SP140: variants seen among roughly 807,000 people sequenced by gnomAD.
SP140 encodes SP140 nuclear body protein.
Under a neutral mutation model 125.0 loss-of-function variants are expected in SP140, and 81 were observed. The observed-to-expected ratio is 0.65, with a 90% confidence interval of 0.54 to 0.78. The LOEUF (loss-of-function observed/expected upper bound fraction) is 0.78. Ranked by LOEUF, SP140 falls within the 30% of genes least tolerant of loss-of-function variation. SP140 has a pLI of 0.00. For synonymous variants in SP140, 312 were observed against 354.0 expected, an observed-to-expected ratio of 0.88 and a Z score of 1.33; for missense variants, 858 against 1,037.0, an observed-to-expected ratio of 0.83 and a Z score of 2.37.
intron 1 of SP140, among the ~76,000 whole-genome samples, chr2:230,228,355 A>G (rs893528371): frequency 7.2e-5 from 11 of 152,224 alleles, no homozygotes; most frequent in Non-Finnish European, 1.6e-4. Context: ...AAGTACATGC[A>G]TTCTGCTATT....
At chr2:230,291,722 G>A (rs2057136791) in intron 19 of SP140, among the ~76,000 whole-genome samples, 1 of 152,118 alleles carries the variant, frequency 6.6e-6, no homozygotes, top group Non-Finnish European at 1.5e-5. Flanking sequence ...CTGAACATTT[G>A]TGTAACAAGT....
At position 230,248,117 on chromosome 2, in the gene SP140, A is replaced by G. The variant is rs899105931; in HGVS notation, c.892+52A>G. 13 of 1,577,260 alleles carry G rather than the reference A, an allele frequency of 8.2e-6. No individual in the cohort carries two copies. In the Admixed American group the frequency reaches 1.7e-4, roughly 21 times the overall value. ...TGTCAAGGGTGAAAATGAGAGTGCC[A>G]ACATGGGGTGGGAGACCAGGTGGGC... is the stretch of plus-strand genomic sequence containing the variant. On this transcript the variant is annotated intron_variant, in intron 8 of 26. Transcript: ENST00000392045.
Position 230,296,474 on chromosome 2 carries a change from C to A in SP140, c.2017-947C>A, listed in dbSNP as rs140492436. 2.6e-3 allele frequency among the ~76,000 whole-genome samples: 403 copies of A among 152,298 alleles called. 2 individuals are homozygous for A. The highest frequency in any genetic ancestry group is 8.8e-3 in the African/African-American group (364 of 41,554). ...AAGTCATGCCATGGATATCCAAAAG[C>A]AATCTAAATAAATGTAGTGGGTTAC... On this transcript the variant is annotated intron_variant, in intron 21 of 26. Coordinates refer to ENST00000392045, the MANE Select transcript of SP140 (RefSeq NM_007237.5).
intron 1 of SP140, among the ~76,000 whole-genome samples, chr2:230,233,110 T>C (rs2047488450): frequency 6.6e-6 from 1 of 152,142 alleles, no homozygotes; most frequent in Non-Finnish European, 1.5e-5. Flanking sequence ...TGCCTCTTTA[T>C]TTTCTATAAG....
chr2:230,220,235 G>T, intron 3 of SP140: 1 of 185,010 alleles, frequency 5.4e-6, no homozygotes, highest in African/African-American at 2.4e-5. Flanking sequence ...GCGGCAATAG[G>T]AACTGGGAAC....
chr2:230,188,046 T>C, the SP140 span, among the ~76,000 whole-genome samples: 501 of 152,304 alleles, frequency 3.3e-3, 3 homozygotes, highest in African/African-American at 0.012. Flanking sequence ...TGATATTTGA[T>C]AAGAATTGCA....
intron 3 of SP140, chr2:230,239,037 T>C: frequency 7.1e-7 from 1 of 1,404,970 alleles, no homozygotes; most frequent in South Asian, 1.7e-5. Flanking sequence ...AGTTTAATTT[T>C]TGGAAAATAA....
chr2:230,191,882 C>T, the SP140 span, among the ~76,000 whole-genome samples: 1 of 152,040 alleles, frequency 6.6e-6, no homozygotes, highest in Admixed American at 6.6e-5. Context: ...TACGAAAATC[C>T]TCAATAAAAT....
intron 3 of SP140, among the ~76,000 whole-genome samples, chr2:230,219,056 C>G (rs1038520798): frequency 6.6e-6 from 1 of 152,244 alleles, no homozygotes; most frequent in South Asian, 2.1e-4. Flanking sequence ...GAAACCCTGT[C>G]TCTACTAAAA....
rs1559341248 is a variant in SP140, at chr2:230,290,484, C to T, written c.1745C>T (p.Thr582Ile). The T allele has an allele frequency of 6.2e-7, 1 of 1,613,718 alleles. No individual in the cohort carries two copies. The highest frequency in any genetic ancestry group is 8.5e-7 in the Non-Finnish European group (1 of 1,179,888). The change falls in exon 19 of 27, where the codon ACT (threonine) becomes ATT (isoleucine). Residue 582 changes from threonine (T) to isoleucine (I), a missense_variant. Around this residue, in one of 4 missense-constraint regions of SP140, gnomAD observed 791 missense variants for 869.5 expected, o/e 0.91. Transcript: ENST00000392045. The part of the protein sequence containing the change: ...SRASRKHKDE[T>I]VDFKAPLLPV... ...GCTTCAAGAAAGCACAAAGATGAAA[C>T]TGTGGATTTTAAGGCTCCTTTGCTT... is the stretch of plus-strand genomic sequence containing the variant.
At chr2:230,188,815 C>T in the SP140 span, among the ~76,000 whole-genome samples, 1 of 152,076 alleles carries the variant, frequency 6.6e-6, no homozygotes, top group Admixed American at 6.6e-5. Flanking sequence ...TCCCTAAATC[C>T]CTGGGATTAA....
At chr2:230,262,321 G>A (rs367620144) in intron 12 of SP140, among the ~76,000 whole-genome samples, 71 of 152,086 alleles carry the variant, frequency 4.7e-4, no homozygotes, top group South Asian at 1.7e-3. Flanking sequence ...TCTCAGTGAC[G>A]TTATTCGGGT....
At chr2:230,240,744 T>C (rs1301805516) in intron 3 of SP140, among the ~76,000 whole-genome samples, 1 of 152,216 alleles carries the variant, frequency 6.6e-6, no homozygotes, top group Non-Finnish European at 1.5e-5. Flanking sequence ...TTTGGGAAAG[T>C]GCCTGGCAAT....
At chr2:230,191,711 G>T in the SP140 span, among the ~76,000 whole-genome samples, 2 of 152,106 alleles carry the variant, frequency 1.3e-5, no homozygotes, top group African/African-American at 4.8e-5. Context: ...ATACAAAGAG[G>T]AGCTGGTACC....
intron 12 of SP140, among the ~76,000 whole-genome samples, chr2:230,265,784 G>C (rs1382741077): frequency 1.0e-5 from 1 of 97,038 alleles, no homozygotes; most frequent in Non-Finnish European, 2.5e-5. Context: ...GGCACTCTCA[G>C]TTTTACGGGG....
intron 21 of SP140, among the ~76,000 whole-genome samples, chr2:230,296,453 C>T (rs115146406): frequency 5.1e-4 from 77 of 152,298 alleles, no homozygotes; most frequent in African/African-American, 1.8e-3. Flanking sequence ...GATGCCAAGT[C>T]ATGCCATGGA....
chr2:230,243,128 C>T (rs1052099570), intron 4 of SP140, among the ~76,000 whole-genome samples: 18 of 152,156 alleles, frequency 1.2e-4, no homozygotes, highest in African/African-American at 4.3e-4. Context: ...TAAAATTTCC[C>T]CCAATAATTT....
In SP140 at chr2:230,255,548, G is replaced by T. The variant is rs115751405; in HGVS notation, c.1240+16G>T. 5,358 of 1,610,098 alleles carry T rather than the reference G, an allele frequency of 3.3e-3. 32 individuals are homozygous for T. Among genetic ancestry groups the T allele is most frequent in the Middle Eastern group, 4.1e-3 (19 of 4,616 alleles). The stretch of plus-strand genomic sequence containing the variant: ...CGTGGGTCAGGTAAGGACGGGGGGG[G>T]GGATTTCTGGCCCTGGGCTGCAGAG... On this transcript the variant is annotated intron_variant, in intron 12 of 26. Transcript: ENST00000392045.
At chr2:230,274,506 G>C (rs1273542756) in intron 15 of SP140, among the ~76,000 whole-genome samples, 1 of 152,092 alleles carries the variant, frequency 6.6e-6, no homozygotes, top group African/African-American at 2.4e-5. Flanking sequence ...GCTGGAAAAG[G>C]CTCCTCTGTG....
Sources: gnomAD v4.1 joint callset for allele counts (sites outside exome capture counted in the v4.1 genomes callset) on GRCh38, gnomAD v4.1.1 for gene constraint, gnomAD v4.1.1 regional missense constraint, MANE v1.5 for transcripts, NCBI Gene and HGNC (gene_info 2026-07-23, HGNC 2026-07-21) for gene names.